GRID2IP: variants seen among roughly 807,000 people sequenced by gnomAD.
GRID2IP encodes the protein Grid2 interacting protein.
In GRID2IP, 78 loss-of-function variants were observed where a neutral mutation model predicts 114.3. That is an observed-to-expected ratio of 0.68 (90% CI 0.57 to 0.82). The LOEUF (loss-of-function observed/expected upper bound fraction) is 0.82, where lower values mean the gene tolerates loss of function less well. Ranked by LOEUF, GRID2IP falls within the 40% of genes least tolerant of loss-of-function variation. The pLI is 0.00. For synonymous variants in GRID2IP, 809 were observed against 724.0 expected (o/e 1.12, Z -1.89); for missense variants, 1,727 against 1,678.5 (o/e 1.03, Z -0.51).
Position 6,503,560 on chromosome 7 carries a change from C to A in GRID2IP, c.2838G>T (p.Glu946Asp). The part of the protein sequence containing the change: ...QLLLFAPDAD[E>D]EQRYQAFREA... Reference sequence around the variant, plus strand: ...CGCGGAAGGCCTGGTAGCGCTGCTCCTCGTCGGCGTCGGGCGCGAAGAGCA... The same window carrying A: ...CGCGGAAGGCCTGGTAGCGCTGCTCATCGTCGGCGTCGGGCGCGAAGAGCA... The change falls in exon 16 of 22, where the codon GAG becomes GAT. Residue 946 changes from glutamate to aspartate, a missense_variant. Transcript: ENST00000457091. 6.5e-7 allele frequency: 1 copy of A among 1,528,934 alleles called. No individual in the cohort carries two copies. Among genetic ancestry groups the A allele is most frequent in the Non-Finnish European group, 8.7e-7 (1 of 1,144,196 alleles). The allele number at this position is 1,528,934 out of a possible 1,614,324, so 94.7% of individuals were successfully genotyped here.
In GRID2IP at chr7:6,498,190, G is replaced by A. The variant is rs6463568; in HGVS notation, c.3438C>T (p.Leu1146=). 6.5e-7 allele frequency: 1 copy of A among 1,550,282 alleles called. No individual in the cohort carries two copies. The highest frequency in any genetic ancestry group is 1.2e-5 in the South Asian group (1 of 83,956). ...LETAQPALRA[L]DGLQREAMEE... ...CCATGGCCTCGCGCTGCAGCCCGTC[G>A]AGCGCCCGAAGTGCTGGCTGGGCCG... is the stretch of plus-strand genomic sequence containing the variant. The change falls in exon 21 of 22, where the codon CTC becomes CTT. Residue 1146 remains leucine, a synonymous_variant. Transcript: ENST00000457091.
intron 1 of GRID2IP, among the ~76,000 whole-genome samples, chr7:6,544,435 A>G (rs2115100883): frequency 6.6e-6 from 1 of 151,618 alleles, no homozygotes; most frequent in East Asian, 2.0e-4. Context: ...ACCCGCCACC[A>G]CAACCAGCTA....
In GRID2IP at chr7:6,521,523, C is replaced by T; in HGVS notation, c.990G>A (p.Arg330=). The T allele has an allele frequency of 6.5e-7, 1 of 1,542,470 alleles. No individual in the cohort carries two copies. Among genetic ancestry groups the T allele is most frequent in the Non-Finnish European group, 8.8e-7 (1 of 1,142,282 alleles). The change falls in exon 6 of 22, where the codon AGG becomes AGA. Residue 330 remains arginine (R), a splice_region_variant and synonymous_variant. Transcript: ENST00000457091. The surrounding 1 kb of genome is among the most constrained non-coding windows in gnomAD (Gnocchi z 4.1). ...ACACCACCTTGTCGTGGGAGCAGTT[C>T]CTGCCAAGCAGAGATGGCCCAGGAG... ...RILFLNGLDM[R]NCSHDKVVSM... is the part of the protein sequence containing the mutation.
In GRID2IP at chr7:6,509,111, G is replaced by C. The variant is rs1273023551; in HGVS notation, c.1974C>G (p.Pro658=). Residue 658 remains proline (P), a synonymous_variant, in exon 12 of 22, where the codon CCC becomes CCG. Coordinates refer to ENST00000457091, the MANE Select transcript of GRID2IP (RefSeq NM_001145118.2). The surrounding 1 kb of genome is among the most constrained non-coding windows in gnomAD (Gnocchi z 4.9). ...ICPDSPPSPD[P]TRPPSRRKLF... The stretch of plus-strand genomic sequence containing the variant: ...GCTTCCTGCGGCTGGGCGGGCGGGT[G>C]GGGTCCGGGCTTGGGGGGCTGTCGG... The C allele has an allele frequency of 2.1e-5, 29 of 1,406,902 alleles. No homozygotes were observed. The highest frequency in any genetic ancestry group is 4.4e-5 in the Admixed American group (2 of 45,328). 87.2% of individuals were successfully genotyped at this position (1,406,902 alleles called of 1,614,324 possible).
chr7:6,531,688 G>C (rs1245842765), intron 2 of GRID2IP, among the ~76,000 whole-genome samples: 3 of 152,240 alleles, frequency 2.0e-5, no homozygotes, highest in Admixed American at 6.5e-5. Context: ...GCCGAGAAGA[G>C]GCTGGATAGG....
chr7:6,510,746 G>T, intron 9 of GRID2IP, 40 bp from the exon 10 acceptor site: 2 of 1,514,362 alleles, frequency 1.3e-6, no homozygotes, highest in East Asian at 2.5e-5. Context: ...TGAGCTCTAC[G>T]GCTCAGGCCC....
rs1278018826 is a variant in GRID2IP at position 6,521,575 on chromosome 7, C to T, written c.990-52G>A. ...GCCTGACTGGGGTGAGCCCTGTCCA[C>T]GGCCACCAGCCAGACCTCCCTGTCC... On this transcript the variant is annotated intron_variant, in intron 5 of 21. Coordinates refer to ENST00000457091, the MANE Select transcript of GRID2IP (RefSeq NM_001145118.2). This position sits in a 1 kb window ranked among gnomAD's most constrained non-coding sequence, Gnocchi z 4.1. The T allele has an allele frequency of 1.3e-5, 17 of 1,341,248 alleles. No individual in the cohort carries two copies. The highest frequency in any genetic ancestry group is 1.5e-5 in the African/African-American group (1 of 68,674). 83.1% of individuals were successfully genotyped at this position (1,341,248 alleles called of 1,614,324 possible). A position where few individuals can be genotyped will look rare whatever the true frequency, so the allele number is the denominator to read the frequency against.
Position 6,532,934 on chromosome 7 carries a change from G to A in GRID2IP, c.585-6165C>T, listed in dbSNP as rs1290628848. Among the ~76,000 whole-genome samples the A allele has an allele frequency of 6.6e-6, 1 of 152,230 alleles. No individual in the cohort carries two copies. The highest frequency in any genetic ancestry group is 1.5e-5 in the Non-Finnish European group (1 of 68,036). ...AGGTGACCCAGGGCAGCATGAGGTGGTCACCCAGTCACTAGGTGATCACCA... is the reference window on the plus strand; with the variant it reads ...AGGTGACCCAGGGCAGCATGAGGTGATCACCCAGTCACTAGGTGATCACCA... On this transcript the variant is annotated intron_variant, in intron 2 of 21. Transcript: ENST00000457091. The surrounding 1 kb of genome is among the most constrained non-coding windows in gnomAD (Gnocchi z 4.4).
At position 6,497,125 on chromosome 7, in the gene GRID2IP, C is replaced by G. The variant is rs1786276136; in HGVS notation, c.*649G>C. Among the ~76,000 whole-genome samples, 1 of 152,086 alleles carries G rather than the reference C, an allele frequency of 6.6e-6. No homozygotes were observed. The highest frequency in any genetic ancestry group is 2.4e-5 in the African/African-American group (1 of 41,414). ...CACACCTATTCCACTCCCAGGCTCC[C>G]CACTTCCAATTGGGCCACCTCTACA... On this transcript the variant is annotated 3_prime_UTR_variant, in exon 22 of 22. Coordinates refer to ENST00000457091, the MANE Select transcript of GRID2IP (RefSeq NM_001145118.2).
intron 1 of GRID2IP, among the ~76,000 whole-genome samples, chr7:6,542,576 T>C (rs1779829941): frequency 1.3e-5 from 2 of 152,092 alleles, no homozygotes; most frequent in African/African-American, 2.4e-5. Flanking sequence ...GAGGATCACT[T>C]GAGCTCAGGA....
In GRID2IP at chr7:6,520,735, G is replaced by C. The variant is rs977409588; in HGVS notation, c.1111C>G (p.Pro371Ala). ...TGCAGGGAGGTGAGCGCCGACGACG[G>C]GTTGGGTGAGTCCAGAGAATCGGAG... is the stretch of plus-strand genomic sequence containing the variant. ...SDSDSLDSPN[P>A]SSALTSLQWV... Residue 371 changes from proline to alanine, a missense_variant, in exon 7 of 22, where the codon CCG becomes GCG. Pro to Ala is a conservative substitution (Grantham distance 27, BLOSUM62 -1). Transcript: ENST00000457091. This position sits in a 1 kb window ranked among gnomAD's most constrained non-coding sequence, Gnocchi z 4.6. 4 of 1,551,390 alleles carry C rather than the reference G, an allele frequency of 2.6e-6. No homozygotes were observed. The African/African-American group carries it at 5.5e-5, about 21-fold the overall frequency.
intron 2 of GRID2IP, among the ~76,000 whole-genome samples, chr7:6,535,417 C>A (rs750426612): frequency 3.9e-5 from 6 of 152,264 alleles, no homozygotes; most frequent in Non-Finnish European, 7.3e-5. Flanking sequence ...TTCTCCTTCT[C>A]CCCAAGCCTT....
At chr7:6,531,038 C>A in intron 2 of GRID2IP, 1 of 643,292 alleles carries the variant, frequency 1.6e-6, no homozygotes, top group Non-Finnish European at 2.8e-6. Flanking sequence ...GCACGGTTCC[C>A]GGAGGCGCGG....
intron 2 of GRID2IP, among the ~76,000 whole-genome samples, chr7:6,538,547 A>C (rs1185413272): frequency 1.3e-5 from 2 of 151,200 alleles, no homozygotes; most frequent in African/African-American, 4.9e-5. Flanking sequence ...TGCCTGGGCG[A>C]CAGAGCGAGA....
intron 18 of GRID2IP, among the ~76,000 whole-genome samples, chr7:6,502,499 G>A (rs2115352745): frequency 6.6e-6 from 1 of 152,258 alleles, no homozygotes; most frequent in South Asian, 2.1e-4. Context: ...ACAGGCATGA[G>A]CCACCACACC....
intron 2 of GRID2IP, among the ~76,000 whole-genome samples, chr7:6,530,885 C>G (rs534588709): frequency 6.6e-6 from 1 of 152,242 alleles, no homozygotes; most frequent in African/African-American, 2.4e-5. Flanking sequence ...CGCCCCGGTA[C>G]CCACCGAGTT....
intron 1 of GRID2IP, among the ~76,000 whole-genome samples, chr7:6,549,436 C>T (rs925235448): frequency 1.3e-5 from 2 of 152,168 alleles, no homozygotes; most frequent in African/African-American, 4.8e-5. Flanking sequence ...GCTAATATTC[C>T]ACCTGCAGTC....
chr7:6,550,976 T>TGACCCC, intron 1 of GRID2IP, 32 bp downstream of exon 1: 8 of 1,015,762 alleles, frequency 7.9e-6, no homozygotes, highest in East Asian at 3.8e-5. Context: ...GCCCCCTCCT[T>TGACCCC]CCCGCCCCCA....
intron 7 of GRID2IP, among the ~76,000 whole-genome samples, chr7:6,515,436 G>T (rs1307074885): frequency 6.6e-6 from 1 of 151,712 alleles, no homozygotes. Flanking sequence ...ACTCCAGCCT[G>T]GGTGACAGAG....
Sources: allele counts gnomAD v4.1 joint callset (sites outside exome capture counted in the v4.1 genomes callset), GRCh38; gene constraint gnomAD v4.1.1; non-coding constraint Gnocchi (gnomAD v3.1); transcripts MANE v1.5; gene names NCBI Gene and HGNC (gene_info 2026-07-23, HGNC 2026-07-21).